Variants in ANKRD62 observed in about 807,000 individuals in gnomAD.
ANKRD62 encodes the protein ankyrin repeat domain-containing protein 62.
In ANKRD62, 61 loss-of-function variants were observed where a neutral mutation model predicts 98.8. That is an observed-to-expected ratio of 0.62 (90% CI 0.50 to 0.76). The LOEUF (loss-of-function observed/expected upper bound fraction) is 0.76, where lower values mean the gene tolerates loss of function less well. Among genes scored for constraint, ANKRD62 ranks in the 30% least tolerant of loss-of-function variants. ANKRD62 has a pLI of 0.00. For synonymous variants in ANKRD62, 341 were observed against 367.9 expected (o/e 0.93, Z 0.84); for missense variants, 933 against 1,082.9 (o/e 0.86, Z 1.94).
Position 12,125,829 on chromosome 18 carries a change from C to G in ANKRD62, c.2008C>G (p.Arg670Gly). 1 of 1,549,250 alleles carries G rather than the reference C, an allele frequency of 6.5e-7. No homozygotes were observed. The highest frequency in any genetic ancestry group is 8.7e-7 in the Non-Finnish European group (1 of 1,147,362). Residue 670 changes from arginine (R) to glycine (G), a missense_variant, in exon 13 of 14, where the codon CGT (arginine) becomes GGT (glycine). Coordinates refer to ENST00000587848, the MANE Select transcript of ANKRD62 (RefSeq NM_001277333.2). The stretch of plus-strand genomic sequence containing the variant: ...TGCTGCCCTATGTGATCATGATCAA[C>G]GTCAGTCATCAAAAAGAGACCTACA... Reference protein sequence around the residue: ...LAAALCDHDQRQSSKRDLQLA... With the variant: ...LAAALCDHDQGQSSKRDLQLA...
At chr18:12,096,809 C>T (rs148801943) in intron 4 of ANKRD62, among the ~76,000 whole-genome samples, 5,287 of 152,134 alleles carry the variant, frequency 0.035, 125 homozygotes, top group Middle Eastern at 0.078. Context: ...TTAGGTTATT[C>T]CTAAGTGACT....
the ANKRD62 span, among the ~76,000 whole-genome samples, chr18:12,163,241 G>A: frequency 6.6e-6 from 1 of 151,784 alleles, no homozygotes; most frequent in Non-Finnish European, 1.5e-5. Context: ...TAACTCCTAG[G>A]TATGTAATTT....
At chr18:12,105,714 CTG>C (rs10542613) in intron 7 of ANKRD62, among the ~76,000 whole-genome samples, 90,119 of 151,688 alleles carry the variant, frequency 0.59, 27,289 homozygotes, top group Middle Eastern at 0.76. Context: ...TAGAAATAGG[CTG>C]TTTCTCAATT....
At chr18:12,178,823 CT>C in the ANKRD62 span, among the ~76,000 whole-genome samples, 969 of 116,306 alleles carry the variant, frequency 8.3e-3, 6 homozygotes, top group Middle Eastern at 0.058. Context: ...GTGGAAATGC[CT>C]TTGGGTCTGC....
chr18:12,135,813 A>C, the ANKRD62 span, among the ~76,000 whole-genome samples: 1 of 151,878 alleles, frequency 6.6e-6, no homozygotes, highest in Non-Finnish European at 1.5e-5. Flanking sequence ...GCATTTTTTC[A>C]TGTGTTTTTT....
At chr18:12,164,777 T>C in the ANKRD62 span, among the ~76,000 whole-genome samples, 1 of 151,858 alleles carries the variant, frequency 6.6e-6, no homozygotes, top group Non-Finnish European at 1.5e-5. Context: ...TAATTTCCAT[T>C]TGTAAATATC....
chr18:12,105,473 A>G (rs1909392361), intron 7 of ANKRD62, among the ~76,000 whole-genome samples: 1 of 152,142 alleles, frequency 6.6e-6, no homozygotes, highest in South Asian at 2.1e-4. Flanking sequence ...CAGCTTTTCC[A>G]GGTGCACAGT....
the ANKRD62 span, among the ~76,000 whole-genome samples, chr18:12,177,182 A>G: frequency 4.6e-4 from 69 of 150,990 alleles, no homozygotes; most frequent in African/African-American, 1.6e-3. Flanking sequence ...AAATCACCCT[A>G]TCAGCCTTCT....
intron 10 of ANKRD62, among the ~76,000 whole-genome samples, chr18:12,118,123 T>C (rs1909705067): frequency 6.6e-6 from 1 of 152,198 alleles, no homozygotes; most frequent in Non-Finnish European, 1.5e-5. Flanking sequence ...ATACATCGTA[T>C]GGGTTTGGTC....
At chr18:12,170,823 G>T in the ANKRD62 span, among the ~76,000 whole-genome samples, 1 of 152,140 alleles carries the variant, frequency 6.6e-6, no homozygotes, top group Non-Finnish European at 1.5e-5. Context: ...CTTGTATTGG[G>T]TGCACATATA....
At position 12,095,173 on chromosome 18, in the gene ANKRD62, C is replaced by G; in HGVS notation, c.221C>G (p.Thr74Ser). ...DLNDRDKKNR[T>S]ALLLACAHGR... is the part of the protein sequence containing the mutation. Reference sequence around the variant, plus strand: ...AAAGCGACCTCTCATTCTCACAGGACTGCTCTACTTTTGGCGTGTGCCCAT... The same window carrying G: ...AAAGCGACCTCTCATTCTCACAGGAGTGCTCTACTTTTGGCGTGTGCCCAT... The change falls in exon 2 of 14, where the codon ACT becomes AGT. Residue 74 changes from threonine to serine, a missense_variant and splice_region_variant. Around this residue, in one of 3 missense-constraint regions of ANKRD62, gnomAD observed 549 missense variants for 587.9 expected, o/e 0.93. Transcript: ENST00000587848. 1 of 1,536,298 alleles carries G rather than the reference C, an allele frequency of 6.5e-7. No individual in the cohort carries two copies. The highest frequency in any genetic ancestry group is 8.7e-7 in the Non-Finnish European group (1 of 1,146,680).
intron 3 of ANKRD62, among the ~76,000 whole-genome samples, 180 bp downstream of exon 3, chr18:12,095,790 G>A (rs1406238640): frequency 6.6e-6 from 1 of 152,188 alleles, no homozygotes; most frequent in Non-Finnish European, 1.5e-5. Flanking sequence ...GAGGTCTGTA[G>A]TCTAAATGTG....
At chr18:12,168,392 A>C in the ANKRD62 span, among the ~76,000 whole-genome samples, 1 of 152,288 alleles carries the variant, frequency 6.6e-6, no homozygotes, top group Non-Finnish European at 1.5e-5. Flanking sequence ...TAAATAGGGA[A>C]TCCTTTCCCC....
chr18:12,154,739 T>C, the ANKRD62 span, among the ~76,000 whole-genome samples: 1 of 152,142 alleles, frequency 6.6e-6, no homozygotes, highest in Non-Finnish European at 1.5e-5. Flanking sequence ...CAGTGACCGA[T>C]TGGCCAAAGA....
the ANKRD62 span, among the ~76,000 whole-genome samples, chr18:12,163,947 A>G: frequency 6.6e-6 from 1 of 151,910 alleles, no homozygotes; most frequent in Non-Finnish European, 1.5e-5. Flanking sequence ...ATATCTATGT[A>G]TATCACAGGT....
At chr18:12,136,794 T>C in the ANKRD62 span, among the ~76,000 whole-genome samples, 1 of 152,224 alleles carries the variant, frequency 6.6e-6, no homozygotes, top group Non-Finnish European at 1.5e-5. Flanking sequence ...CTAGGTATTT[T>C]ATTCTCTTTG....
intron 13 of ANKRD62, 130 bp downstream of exon 13, chr18:12,126,513 A>G (rs1360941357): frequency 1.0e-6 from 1 of 974,238 alleles, no homozygotes; most frequent in Non-Finnish European, 1.4e-6. Context: ...CTGCTATATC[A>G]CCTTAGAAAC....
the ANKRD62 span, among the ~76,000 whole-genome samples, chr18:12,178,388 A>C: frequency 6.8e-6 from 1 of 146,904 alleles, no homozygotes; most frequent in Non-Finnish European, 1.5e-5. Context: ...ACGGGAGGCC[A>C]GACAGTATTC....
the ANKRD62 span, among the ~76,000 whole-genome samples, chr18:12,172,237 A>G: frequency 6.6e-6 from 1 of 152,180 alleles, no homozygotes; most frequent in Admixed American, 6.5e-5. Flanking sequence ...TAGAATTTTC[A>G]GCTTTTCTGC....
Sources: gnomAD v4.1 joint callset for allele counts (sites outside exome capture counted in the v4.1 genomes callset) on GRCh38, gnomAD v4.1.1 for gene constraint, gnomAD v4.1.1 regional missense constraint, MANE v1.5 for transcripts, NCBI Gene and HGNC (gene_info 2026-07-23, HGNC 2026-07-21) for gene names.